The following RORA variants were observed in gnomAD, a reference collection of about 807,000 sequenced individuals.
RORA encodes RAR related orphan receptor A, also known as nuclear receptor ROR-alpha.
Under a neutral mutation model 69.5 loss-of-function variants are expected in RORA, and 7 were observed. The ratio of observed to expected loss-of-function variants is 0.10; its 90% CI spans 0.06 to 0.19. The LOEUF is 0.19. Ranked by LOEUF, RORA falls within the 10% of genes least tolerant of loss-of-function variation. RORA has a pLI of 1.00. For missense variants in RORA, 457 were observed against 663.0 expected, an observed-to-expected ratio of 0.69 and a Z score of 3.41; for synonymous variants, 261 against 240.8, an observed-to-expected ratio of 1.08 and a Z score of -0.78.
At chr15:60,707,334 TTTTATTTATTTATTTATTTATTTA>T (rs35301219) in intron 1 of RORA, among the ~76,000 whole-genome samples, 1 of 136,080 alleles carries the variant, frequency 7.3e-6, no homozygotes, top group Non-Finnish European at 1.6e-5. Flanking sequence ...TATTTCTTTA[TTTTATTTATTTATTTATTTATTTA>T]TTTATTTATT....
At chr15:60,541,739 C>A (rs1167622606) in intron 2 of RORA, among the ~76,000 whole-genome samples, 2 of 151,750 alleles carry the variant, frequency 1.3e-5, no homozygotes, top group Admixed American at 6.5e-5. Context: ...CACACTATAA[C>A]ACCTCATAAA....
chr15:61,153,002 A>G lies in RORA; in HGVS notation c.166+76051T>C, dbSNP rs769683771. On this transcript the variant is annotated intron_variant, in intron 1 of 10. Coordinates refer to ENST00000335670, the MANE Select transcript of RORA (RefSeq NM_134261.3). The stretch of plus-strand genomic sequence containing the variant: ...ACATTTTAGAGGAAGACAAGTCACA[A>G]TTGAACTGGCCTTTGAAGGGTGGGT... Among the ~76,000 whole-genome samples, 9 of 152,242 alleles carry G rather than the reference A, an allele frequency of 5.9e-5. No individual in the cohort carries two copies. In the East Asian group the frequency reaches 9.7e-4, roughly 16 times the overall value.
intron 1 of RORA, among the ~76,000 whole-genome samples, chr15:60,995,945 C>T (rs528966626): frequency 6.6e-6 from 1 of 152,192 alleles, no homozygotes; most frequent in Admixed American, 6.5e-5. Context: ...TCAAATTGTC[C>T]CCTTTCCAGT....
chr15:61,040,113 GATATATATATATATATATATATATATAT>G (rs60830259), intron 1 of RORA, among the ~76,000 whole-genome samples: 1,351 of 46,342 alleles, frequency 0.029, 127 homozygotes, highest in Admixed American at 0.16. Context: ...CACAAGCTTT[GATATATATATATATATATATATATATAT>G]ATATATATAT....
rs113659122 is a variant in RORA, at chr15:60,706,805, C to T, written c.167-28119G>A. 2.7e-3 allele frequency among the ~76,000 whole-genome samples: 418 copies of T among 152,286 alleles called. 2 individuals are homozygous for T. The highest frequency in any genetic ancestry group is 9.6e-3 in the African/African-American group (400 of 41,568). On this transcript the variant is annotated intron_variant, in intron 1 of 10. Transcript: ENST00000335670. ...AGCACTTCCTAAGCTTGAAACTCTT[C>T]CACTGACAAGCTCTCTGCAGAGTTG...
chr15:60,820,704 C>T (rs897337404), intron 1 of RORA, among the ~76,000 whole-genome samples: 1 of 152,132 alleles, frequency 6.6e-6, no homozygotes, highest in Non-Finnish European at 1.5e-5. Context: ...ACACAGGTTT[C>T]CCCTAAACCG....
chr15:60,673,103 T>C (rs2070499337), intron 2 of RORA, among the ~76,000 whole-genome samples: 1 of 152,232 alleles, frequency 6.6e-6, no homozygotes, highest in South Asian at 2.1e-4. Flanking sequence ...TTGGAACGTA[T>C]GTTATGAAGT....
At chr15:60,852,469 A>C (rs1350123076) in intron 1 of RORA, among the ~76,000 whole-genome samples, 1 of 152,230 alleles carries the variant, frequency 6.6e-6, no homozygotes, top group African/African-American at 2.4e-5. Context: ...GTTTGTTGTA[A>C]GGATTAAATG....
chr15:61,049,286 C>G (rs933990775), intron 1 of RORA, among the ~76,000 whole-genome samples: 1 of 152,190 alleles, frequency 6.6e-6, no homozygotes, highest in African/African-American at 2.4e-5. Context: ...TGGAGCTCAG[C>G]ACAGAGATGA....
intron 1 of RORA, among the ~76,000 whole-genome samples, chr15:61,139,353 T>C (rs1763229092): frequency 6.6e-6 from 1 of 152,110 alleles, no homozygotes; most frequent in Non-Finnish European, 1.5e-5. Flanking sequence ...AACACTTGTC[T>C]AAATAGATTA....
chr15:61,092,957 G>C (rs2140719848), intron 1 of RORA, among the ~76,000 whole-genome samples: 1 of 152,196 alleles, frequency 6.6e-6, no homozygotes, highest in Non-Finnish European at 1.5e-5. Flanking sequence ...TGCTGAAGTA[G>C]GTATAAATAA....
intron 1 of RORA, among the ~76,000 whole-genome samples, chr15:61,076,646 T>C (rs545392033): frequency 1.3e-5 from 2 of 152,358 alleles, no homozygotes; most frequent in African/African-American, 4.8e-5. Flanking sequence ...CACTTTTTAA[T>C]TTTCAGTGAT....
In RORA at chr15:61,183,533, CA is replaced by C. The variant is rs11392772; in HGVS notation, c.166+45519del. ...CTGGGCAACAAGAGTGAGACTGTTT[CA>C]AAAAAAAAAAAAAAAGGAAAAAAAC... On this transcript the variant is annotated intron_variant, in intron 1 of 10. Coordinates refer to ENST00000335670, the MANE Select transcript of RORA (RefSeq NM_134261.3). Among the ~76,000 whole-genome samples the C allele has an allele frequency of 1.3e-3, 164 of 130,650 alleles. 2 individuals carry two copies. The East Asian group carries it at 0.015, about 12-fold the overall frequency. 85.7% of individuals were successfully genotyped at this position (130,650 alleles called of 152,430 possible).
chr15:60,592,364 C>T, intron 2 of RORA: 2 of 1,408,294 alleles, frequency 1.4e-6, no homozygotes, highest in African/African-American at 1.5e-5. Context: ...CCCACCCGGC[C>T]CCGGCGGGGC....
intron 1 of RORA, chr15:60,763,959 G>C (rs2071940586): frequency 6.6e-6 from 1 of 152,130 alleles, no homozygotes; most frequent in South Asian, 2.1e-4. Flanking sequence ...GTTAGAGTGA[G>C]TGAGAGGACC....
At chr15:60,750,176 G>C (rs898427970) in intron 1 of RORA, among the ~76,000 whole-genome samples, 1 of 152,136 alleles carries the variant, frequency 6.6e-6, no homozygotes, top group African/African-American at 2.4e-5. Context: ...GTTCAAAAAG[G>C]TTAAGTAATT....
chr15:60,648,206 T>C (rs75230462), intron 2 of RORA, among the ~76,000 whole-genome samples: 1,711 of 152,334 alleles, frequency 0.011, 38 homozygotes, highest in East Asian at 0.085. Context: ...AATGAAAAAT[T>C]GGATATACAA....
intron 1 of RORA, among the ~76,000 whole-genome samples, chr15:60,864,551 C>A (rs1326275051): frequency 6.6e-6 from 1 of 151,870 alleles, no homozygotes; most frequent in Non-Finnish European, 1.5e-5. Context: ...TTATTTGTCC[C>A]AAGGCCAGTA....
chr15:60,855,564 T>C (rs1445491254), intron 1 of RORA, among the ~76,000 whole-genome samples: 1 of 152,222 alleles, frequency 6.6e-6, no homozygotes, highest in African/African-American at 2.4e-5. Context: ...AGAGGGTGAA[T>C]GTGTGGACCC....
Sources: gnomAD v4.1 joint callset for allele counts (sites outside exome capture counted in the v4.1 genomes callset) on GRCh38, gnomAD v4.1.1 for gene constraint, MANE v1.5 for transcripts, NCBI Gene and HGNC (gene_info 2026-07-23, HGNC 2026-07-21) for gene names.